The following PLXNC1 variants were observed in gnomAD, a reference collection of about 807,000 sequenced individuals.
PLXNC1 encodes the protein plexin-C1.
In PLXNC1, 75 loss-of-function variants were observed where a neutral mutation model predicts 178.2. The observed-to-expected ratio is 0.42, with a 90% CI of 0.35 to 0.51. The LOEUF is 0.51. PLXNC1 is among the 20% of genes least tolerant of loss of function. The probability of loss-of-function intolerance (pLI) is 0.02; values close to 1 mark genes in which losing one functional copy is unlikely to be tolerated. For missense variants in PLXNC1, 1,503 were observed against 1,984.4 expected (o/e 0.76, Z 4.61); for synonymous variants, 790 against 779.9 (o/e 1.01, Z -0.22).
At chr12:94,296,824 CA>C (rs1967966944) in intron 24 of PLXNC1, among the ~76,000 whole-genome samples, 1 of 152,198 alleles carries the variant, frequency 6.6e-6, no homozygotes, top group African/African-American at 2.4e-5. Context: ...GGCCAGAATG[CA>C]AATTCCATCA....
intron 15 of PLXNC1, chr12:94,254,519 T>A: frequency 1.7e-6 from 1 of 601,896 alleles, no homozygotes; most frequent in Non-Finnish European, 3.1e-6. Flanking sequence ...GTTATTTGAT[T>A]TAGCTTTCAC....
At chr12:94,255,146 C>A in intron 16 of PLXNC1, 47 bp from the exon 17 acceptor site, 1 of 1,370,402 alleles carries the variant, frequency 7.3e-7, no homozygotes, top group South Asian at 1.2e-5. Context: ...AGATCCTATC[C>A]ATTGTTTGTT....
At chr12:94,252,944 GGCTCAT>G (rs1964737974) in intron 15 of PLXNC1, among the ~76,000 whole-genome samples, 1 of 152,196 alleles carries the variant, frequency 6.6e-6, no homozygotes, top group Non-Finnish European at 1.5e-5. Flanking sequence ...TGGGCCCGGT[GGCTCAT>G]GCCTGTAATC....
rs138042531 is a variant in PLXNC1 at position 94,245,084 on chromosome 12, G to A, written c.2388+1059G>A. Among the ~76,000 whole-genome samples the A allele has an allele frequency of 1.9e-3, 294 of 152,304 alleles. 1 individual carries two copies. Among genetic ancestry groups the A allele is most frequent in the Non-Finnish European group, 3.4e-3 (231 of 68,034 alleles). On this transcript the variant is annotated intron_variant, in intron 12 of 30. Coordinates refer to ENST00000258526, the MANE Select transcript of PLXNC1 (RefSeq NM_005761.3). ...TAGGCCGTCCTTACAGCCTTGTGGT[G>A]CACACATTCACCTGCTGACACAGTT...
chr12:94,287,241 T>C (rs1966855893), intron 23 of PLXNC1, among the ~76,000 whole-genome samples: 2 of 152,162 alleles, frequency 1.3e-5, no homozygotes, highest in Admixed American at 6.5e-5. Context: ...GAGGAGTCTT[T>C]CTCCCCTATA....
intron 2 of PLXNC1, among the ~76,000 whole-genome samples, chr12:94,180,953 A>T (rs1246269550): frequency 6.6e-6 from 1 of 152,144 alleles, no homozygotes; most frequent in Non-Finnish European, 1.5e-5. Flanking sequence ...TTTACAAAAG[A>T]AGAAATATTA....
Position 94,149,329 on chromosome 12 carries a change from G to T in PLXNC1, c.358G>T (p.Gly120Trp), listed in dbSNP as rs146929512. The change falls in exon 1 of 31, where the codon GGG becomes TGG. Residue 120 changes from glycine to tryptophan, a missense_variant. Physicochemically the swap from Gly to Trp is radical, Grantham distance 184 (BLOSUM62 -2). Coordinates refer to ENST00000258526, the MANE Select transcript of PLXNC1 (RefSeq NM_005761.3). ...CTACCGCGAGGGGGCGGCCGGCCTC[G>T]GGGGGCTGCTGCTCACCGGCTGGAC... ...LPYREGAAGL[G>W]GLLLTGWTFD... The T allele has an allele frequency of 2.1e-6, 3 of 1,441,722 alleles. No individual in the cohort carries two copies. Among genetic ancestry groups the T allele is most frequent in the African/African-American group, 3.0e-5 (2 of 67,560 alleles). The allele number at this position is 1,441,722 out of a possible 1,614,324, so 89.3% of individuals were successfully genotyped here. A position where few individuals can be genotyped will look rare whatever the true frequency, so the allele number is the denominator to read the frequency against.
At chr12:94,225,801 G>A (rs548230398) in intron 7 of PLXNC1, among the ~76,000 whole-genome samples, 7 of 152,158 alleles carry the variant, frequency 4.6e-5, no homozygotes, top group African/African-American at 7.2e-5. Context: ...TCACAAACCC[G>A]TGTCTAGCTC....
At chr12:94,248,961 G>A (rs1332105455) in intron 14 of PLXNC1, among the ~76,000 whole-genome samples, 1 of 152,114 alleles carries the variant, frequency 6.6e-6, no homozygotes, top group Non-Finnish European at 1.5e-5. Flanking sequence ...TAATAAAGAT[G>A]TGAGACCACT....
At chr12:94,202,772 T>A (rs532043955) in intron 4 of PLXNC1, among the ~76,000 whole-genome samples, 2 of 152,182 alleles carry the variant, frequency 1.3e-5, no homozygotes, top group East Asian at 1.9e-4. Flanking sequence ...GAGCTTGCAG[T>A]CTAGAGAGAT....
intron 1 of PLXNC1, among the ~76,000 whole-genome samples, chr12:94,156,708 CT>C (rs936065811): frequency 2.1e-4 from 30 of 143,886 alleles, no homozygotes; most frequent in Admixed American, 2.1e-4. Flanking sequence ...AACTTTCTTT[CT>C]TTTTTTTTTT....
At chr12:94,240,849 T>C (rs1232995429) in intron 11 of PLXNC1, among the ~76,000 whole-genome samples, 185 bp downstream of exon 11, 2 of 152,252 alleles carry the variant, frequency 1.3e-5, no homozygotes, top group Admixed American at 1.3e-4. Flanking sequence ...ATGCTCATCG[T>C]GAATGCTATG....
chr12:94,177,186 T>TGTATATATATAC (rs1962106739), intron 2 of PLXNC1, among the ~76,000 whole-genome samples: 1 of 44,900 alleles, frequency 2.2e-5, no homozygotes, highest in Admixed American at 2.5e-4. Context: ...CGTATATATA[T>TGTATATATATAC]GTATATATAT....
chr12:94,189,522 A>T (rs973904973), intron 4 of PLXNC1, among the ~76,000 whole-genome samples: 3 of 152,144 alleles, frequency 2.0e-5, no homozygotes, highest in African/African-American at 4.8e-5. Flanking sequence ...TCTACAAAAA[A>T]TATGAACATT....
At chr12:94,259,300 G>C in intron 17 of PLXNC1, 37 bp from the exon 18 acceptor site, 1 of 1,491,590 alleles carries the variant, frequency 6.7e-7, no homozygotes, top group Non-Finnish European at 9.2e-7. Context: ...ATTTCCTTTG[G>C]ATGTTATGAA....
intron 21 of PLXNC1, among the ~76,000 whole-genome samples, chr12:94,274,091 T>A (rs1347670543): frequency 8.0e-6 from 1 of 125,090 alleles, no homozygotes; most frequent in African/African-American, 3.1e-5. Context: ...GAAGCCAAGG[T>A]GGGAGGATCA....
intron 7 of PLXNC1, among the ~76,000 whole-genome samples, chr12:94,225,012 G>T (rs1446036099): frequency 6.6e-6 from 1 of 152,198 alleles, no homozygotes; most frequent in African/African-American, 2.4e-5. Flanking sequence ...ACTTGAGAAG[G>T]ACAAGGTGAA....
At chr12:94,185,637 G>A (rs1404102055) in intron 3 of PLXNC1, among the ~76,000 whole-genome samples, 3 of 151,992 alleles carry the variant, frequency 2.0e-5, no homozygotes, top group African/African-American at 7.2e-5. Flanking sequence ...TACTCCCCCT[G>A]TTTCTTTTAT....
chr12:94,149,054 T>C lies in PLXNC1; in HGVS notation c.83T>C (p.Leu28Pro), dbSNP rs759228405. The change falls in exon 1 of 31, where the codon CTG (leucine) becomes CCG (proline). Residue 28 changes from leucine (L) to proline (P), a missense_variant. Leu to Pro is a moderately conservative substitution (Grantham distance 98). Transcript: ENST00000258526. ...CCCCTGCTCGCCTATCTGCTGGCAC[T>C]GGCGGCTCCCGGCCGGGGCGCGGAC... ...PLPLLAYLLA[L>P]AAPGRGADEP... The C allele has an allele frequency of 6.5e-7, 1 of 1,539,128 alleles. No individual in the cohort carries two copies. The highest frequency in any genetic ancestry group is 1.2e-5 in the South Asian group (1 of 83,778).
Sources: gnomAD v4.1 joint callset for allele counts (sites outside exome capture counted in the v4.1 genomes callset) on GRCh38, gnomAD v4.1.1 for gene constraint, MANE v1.5 for transcripts, NCBI Gene and HGNC (gene_info 2026-07-23, HGNC 2026-07-21) for gene names.